Variants in LOC128462377 observed in about 807,000 individuals in gnomAD.
chr16:89,350,245 A>G, the LOC128462377 span, among the ~76,000 whole-genome samples: 1 of 152,200 alleles, frequency 6.6e-6, no homozygotes, highest in African/African-American at 2.4e-5. Context: ...CACAAAACTG[A>G]GTGGTCACTT....
the LOC128462377 span, among the ~76,000 whole-genome samples, chr16:89,375,999 A>C: frequency 6.6e-6 from 1 of 152,162 alleles, no homozygotes; most frequent in East Asian, 1.9e-4. Context: ...AAATCGATAA[A>C]TCCAGCAGAA....
chr16:89,381,612 G>A, the LOC128462377 span, among the ~76,000 whole-genome samples: 2 of 152,282 alleles, frequency 1.3e-5, no homozygotes, highest in African/African-American at 4.8e-5. Context: ...AGAGGAGAAC[G>A]ATGAAAGCTG....
the LOC128462377 span, among the ~76,000 whole-genome samples, chr16:89,331,402 A>T: frequency 6.6e-6 from 1 of 152,252 alleles, no homozygotes; most frequent in Non-Finnish European, 1.5e-5. Flanking sequence ...GATCTCTGAC[A>T]AACAGGCAAA....
chr16:89,358,012 T>C, the LOC128462377 span, among the ~76,000 whole-genome samples: 1 of 152,238 alleles, frequency 6.6e-6, no homozygotes, highest in Non-Finnish European at 1.5e-5. Context: ...AGCCAGTAAA[T>C]GCTTCCTTTC....
chr16:89,341,658 C>T, the LOC128462377 span, among the ~76,000 whole-genome samples: 6 of 152,366 alleles, frequency 3.9e-5, no homozygotes, highest in East Asian at 5.8e-4. Context: ...AGCAATGCCA[C>T]GTATGCAAAC....
chr16:89,413,897 C>G, the LOC128462377 span, among the ~76,000 whole-genome samples: 1 of 152,156 alleles, frequency 6.6e-6, no homozygotes, highest in Non-Finnish European at 1.5e-5. Flanking sequence ...GAGGGTGGTA[C>G]CAAAAACAGC....
At chr16:89,321,578 G>C in the LOC128462377 span, among the ~76,000 whole-genome samples, 121 of 152,124 alleles carry the variant, frequency 8.0e-4, 1 homozygote, top group African/African-American at 2.8e-3. Flanking sequence ...GGAGACTCAC[G>C]GGTCCCCTCG....
chr16:89,382,226 C>A, the LOC128462377 span, among the ~76,000 whole-genome samples: 1 of 152,122 alleles, frequency 6.6e-6, no homozygotes, highest in Non-Finnish European at 1.5e-5. Context: ...CTGACCAGGG[C>A]AGGAGTGACC....
chr16:89,386,322 C>A, the LOC128462377 span, among the ~76,000 whole-genome samples: 5 of 151,980 alleles, frequency 3.3e-5, no homozygotes, highest in African/African-American at 9.7e-5. Context: ...TGCACTAATT[C>A]TCCCTTCTGA....
At chr16:89,333,528 C>G in the LOC128462377 span, among the ~76,000 whole-genome samples, 1 of 152,244 alleles carries the variant, frequency 6.6e-6, no homozygotes, top group Non-Finnish European at 1.5e-5. Flanking sequence ...CCCTCCGTCC[C>G]TCCCTCTCCC....
At chr16:89,416,730 G>C in the LOC128462377 span, among the ~76,000 whole-genome samples, 1 of 147,106 alleles carries the variant, frequency 6.8e-6, no homozygotes, top group East Asian at 2.0e-4. Flanking sequence ...AGGGGTTCAA[G>C]ACAGGCCTGG....
the LOC128462377 span, among the ~76,000 whole-genome samples, chr16:89,348,624 A>G: frequency 6.6e-6 from 1 of 152,194 alleles, no homozygotes; most frequent in South Asian, 2.1e-4. Flanking sequence ...AATTTCTTTA[A>G]TAGATACAGG....
At chr16:89,354,522 T>C in the LOC128462377 span, among the ~76,000 whole-genome samples, 3 of 152,164 alleles carry the variant, frequency 2.0e-5, no homozygotes, top group African/African-American at 4.8e-5. Context: ...CTGCTCTTGA[T>C]AGGGAGGGCA....
the LOC128462377 span, among the ~76,000 whole-genome samples, chr16:89,393,581 A>C: frequency 1.4e-5 from 2 of 148,086 alleles, no homozygotes; most frequent in South Asian, 4.3e-4. Context: ...CCTCAGAGTG[A>C]TTTGCCCGCC....
At chr16:89,355,249 C>T in the LOC128462377 span, among the ~76,000 whole-genome samples, 219 of 150,212 alleles carry the variant, frequency 1.5e-3, no homozygotes, top group Admixed American at 5.0e-3. Flanking sequence ...GGGCTCACAC[C>T]CTGAGGCTCG....
the LOC128462377 span, among the ~76,000 whole-genome samples, chr16:89,373,937 GACCA>G: frequency 6.6e-6 from 1 of 152,226 alleles, no homozygotes; most frequent in African/African-American, 2.4e-5. Flanking sequence ...CATCAGGAGT[GACCA>G]CCAAGCGGGC....
chr16:89,368,473 G>A, the LOC128462377 span, among the ~76,000 whole-genome samples: 5 of 142,354 alleles, frequency 3.5e-5, no homozygotes, highest in African/African-American at 1.3e-4. Context: ...CACCTGCCTC[G>A]GCCTCCGAAG....
chr16:89,394,845 A>G, the LOC128462377 span, among the ~76,000 whole-genome samples: 3 of 152,178 alleles, frequency 2.0e-5, no homozygotes, highest in Admixed American at 1.3e-4. Flanking sequence ...TCAAACGTCC[A>G]GACTCCTCAT....
chr16:89,384,566 AGGATGGGACGGGAC>A, the LOC128462377 span, among the ~76,000 whole-genome samples: 2 of 145,898 alleles, frequency 1.4e-5, no homozygotes, highest in Non-Finnish European at 3.0e-5. Flanking sequence ...GGAATGGGAC[AGGATGGGACGGGAC>A]GGGATGGGGC....
Sources: gnomAD v4.1 joint callset for allele counts (sites outside exome capture counted in the v4.1 genomes callset) on GRCh38, gnomAD v4.1.1 for gene constraint, MANE v1.5 for transcripts.